ADAMTS12: variants seen among roughly 807,000 people sequenced by gnomAD.
The protein encoded by ADAMTS12 is A disintegrin and metalloproteinase with thrombospondin motifs 12.
In ADAMTS12, 118 loss-of-function variants were observed where a neutral mutation model predicts 167.8. The ratio of observed to expected loss-of-function variants is 0.70; its 90% CI spans 0.61 to 0.82. ADAMTS12 has a LOEUF of 0.82. ADAMTS12 is among the 40% of genes least tolerant of loss of function. ADAMTS12 has a pLI of 0.00. For missense variants in ADAMTS12, 1,916 were observed against 1,998.8 expected (o/e 0.96, Z 0.79); for synonymous variants, 704 against 716.9 (o/e 0.98, Z 0.29).
chr5:33,838,934 C>T (rs557848285), intron 2 of ADAMTS12, among the ~76,000 whole-genome samples: 1 of 152,274 alleles, frequency 6.6e-6, no homozygotes, highest in South Asian at 2.1e-4. Flanking sequence ...ATAGTCACTG[C>T]CCCTTCTGCT....
chr5:33,805,496 G>A (rs919624484), intron 2 of ADAMTS12, among the ~76,000 whole-genome samples: 3 of 152,172 alleles, frequency 2.0e-5, no homozygotes, highest in Admixed American at 2.0e-4. Flanking sequence ...TCCACATCCA[G>A]CAATTGATCA....
At chr5:33,643,574 G>A (rs1319684211) in intron 9 of ADAMTS12, 104 bp from the exon 10 acceptor site, 1 of 978,240 alleles carries the variant, frequency 1.0e-6, no homozygotes, top group African/African-American at 1.6e-5. Context: ...CACAATAAAT[G>A]CCACTGTTGT....
chr5:33,653,757 T>A (rs1740946419), intron 7 of ADAMTS12, among the ~76,000 whole-genome samples: 1 of 152,164 alleles, frequency 6.6e-6, no homozygotes, highest in Non-Finnish European at 1.5e-5. Context: ...ATTTCAGAAG[T>A]TTAATTATGA....
At chr5:33,638,454 G>C (rs1740292129) in intron 11 of ADAMTS12, among the ~76,000 whole-genome samples, 1 of 151,626 alleles carries the variant, frequency 6.6e-6, no homozygotes, top group African/African-American at 2.4e-5. Context: ...ATGTTACACT[G>C]CTCCAGTGGT....
At chr5:33,836,014 C>T (rs1229957554) in intron 2 of ADAMTS12, among the ~76,000 whole-genome samples, 1 of 149,816 alleles carries the variant, frequency 6.7e-6, no homozygotes, top group Non-Finnish European at 1.5e-5. Context: ...GGGAAATAGG[C>T]AACATATGCT....
intron 2 of ADAMTS12, among the ~76,000 whole-genome samples, chr5:33,762,442 G>C (rs1287063975): frequency 1.4e-5 from 2 of 147,520 alleles, no homozygotes; most frequent in Non-Finnish European, 3.0e-5. Context: ...CGGGAGGCGG[G>C]GGTTGCAGTG....
chr5:33,618,600 G>A (rs1019282257), intron 14 of ADAMTS12, among the ~76,000 whole-genome samples: 1 of 152,108 alleles, frequency 6.6e-6, no homozygotes, highest in Non-Finnish European at 1.5e-5. Flanking sequence ...TTCTTTCTGG[G>A]ACAGTCGTCT....
chr5:33,841,293 C>T (rs1009248040), intron 2 of ADAMTS12, among the ~76,000 whole-genome samples: 1 of 152,218 alleles, frequency 6.6e-6, no homozygotes, highest in African/African-American at 2.4e-5. Flanking sequence ...CTTTTTGTAG[C>T]ATAAAGGGCC....
intron 4 of ADAMTS12, 28 bp downstream of exon 4, chr5:33,683,831 G>A (rs202169936): frequency 2.1e-6 from 3 of 1,411,722 alleles, no homozygotes; most frequent in Non-Finnish European, 1.9e-6. Context: ...TTCACTAGCT[G>A]CCCCAGCCCC....
chr5:33,652,125 TC>T (rs1296631692), intron 7 of ADAMTS12, among the ~76,000 whole-genome samples: 2 of 152,126 alleles, frequency 1.3e-5, no homozygotes, highest in Non-Finnish European at 2.9e-5. Flanking sequence ...TAATTTCTCT[TC>T]CTTTGGGTAC....
intron 2 of ADAMTS12, among the ~76,000 whole-genome samples, chr5:33,848,195 TAACAGAGTAAG>T (rs1458745068): frequency 6.6e-6 from 1 of 151,100 alleles, no homozygotes; most frequent in Non-Finnish European, 1.5e-5. Context: ...CCAGCCTGGG[TAACAGAGTAAG>T]ACTCTGTTTA....
chr5:33,631,743 A>G (rs1385467716), intron 12 of ADAMTS12, among the ~76,000 whole-genome samples: 1 of 152,226 alleles, frequency 6.6e-6, no homozygotes, highest in Non-Finnish European at 1.5e-5. Context: ...GAATTCAAAT[A>G]ATAATTTTTT....
intron 14 of ADAMTS12, among the ~76,000 whole-genome samples, chr5:33,623,596 G>T (rs1373616157): frequency 6.6e-6 from 1 of 152,200 alleles, no homozygotes; most frequent in Non-Finnish European, 1.5e-5. Flanking sequence ...GTGACTATGG[G>T]AAAAGAATAG....
At chr5:33,888,669 T>A (rs1411516134) in intron 1 of ADAMTS12, among the ~76,000 whole-genome samples, 1 of 152,162 alleles carries the variant, frequency 6.6e-6, no homozygotes, top group Non-Finnish European at 1.5e-5. Flanking sequence ...CACAGAGATG[T>A]CAGGAGCAAA....
intron 13 of ADAMTS12, among the ~76,000 whole-genome samples, chr5:33,627,034 GATGGTGGTGGTGGTGATGTGGTA>G (rs1739677957): frequency 6.6e-6 from 1 of 151,102 alleles, no homozygotes; most frequent in Non-Finnish European, 1.5e-5. Flanking sequence ...GTGATTTGAT[GATGGTGGTGGTGGTGATGTGGTA>G]ATGGTGGTGG....
chr5:33,685,282 G>T (rs548574262), intron 3 of ADAMTS12, among the ~76,000 whole-genome samples: 1 of 152,200 alleles, frequency 6.6e-6, no homozygotes, highest in Non-Finnish European at 1.5e-5. Flanking sequence ...AACTCACAGG[G>T]CATCTTGTTC....
intron 13 of ADAMTS12, among the ~76,000 whole-genome samples, chr5:33,626,596 G>A (rs1739629233): frequency 6.7e-6 from 1 of 150,184 alleles, no homozygotes; most frequent in Non-Finnish European, 1.5e-5. Context: ...TAATGGTAAT[G>A]ATGGTGGTGG....
intron 14 of ADAMTS12, among the ~76,000 whole-genome samples, chr5:33,624,002 A>G (rs1021007245): frequency 1.1e-4 from 16 of 152,038 alleles, no homozygotes; most frequent in African/African-American, 3.6e-4. Flanking sequence ...GCCATTTCAG[A>G]TCTCTATCTC....
At chr5:33,593,929 T>C (rs1251027655) in intron 17 of ADAMTS12, among the ~76,000 whole-genome samples, 10 of 152,246 alleles carry the variant, frequency 6.6e-5, no homozygotes, top group African/African-American at 2.2e-4. Flanking sequence ...TATCTCCTCA[T>C]ATACCACCTC....
Sources: gnomAD v4.1 joint callset for allele counts (sites outside exome capture counted in the v4.1 genomes callset) on GRCh38, gnomAD v4.1.1 for gene constraint, MANE v1.5 for transcripts, NCBI Gene and HGNC (gene_info 2026-07-23, HGNC 2026-07-21) for gene names.